Variants in B4GALNT3 observed in about 807,000 individuals in gnomAD.
B4GALNT3 encodes beta-1,4-N-acetylgalactosaminyltransferase 3.
A neutral mutation model predicts 120.2 loss-of-function variants in B4GALNT3; 86 were observed. The ratio of observed to expected loss-of-function variants is 0.72; its 90% CI spans 0.60 to 0.86. The LOEUF (loss-of-function observed/expected upper bound fraction) is 0.86, where lower values mean the gene tolerates loss of function less well. B4GALNT3 is among the 40% of genes least tolerant of loss of function. The probability of loss-of-function intolerance (pLI) is 0.00; values close to 1 mark genes in which losing one functional copy is unlikely to be tolerated. For synonymous variants in B4GALNT3, 518 were observed against 510.4 expected (o/e 1.01, Z -0.20); for missense variants, 1,167 against 1,298.9 (o/e 0.90, Z 1.56).
intron 1 of B4GALNT3, among the ~76,000 whole-genome samples, chr12:504,954 G>A (rs1367747558): frequency 1.3e-5 from 2 of 151,376 alleles, no homozygotes; most frequent in Non-Finnish European, 2.9e-5. Context: ...GCAGTGGCGC[G>A]ATCTCGGCTC....
rs543214724 is a variant in B4GALNT3, at chr12:505,082, C to G, written c.170-30084C>G. Among the ~76,000 whole-genome samples, 61 of 151,978 alleles carry G rather than the reference C, an allele frequency of 4.0e-4. 1 individual carries two copies. Among genetic ancestry groups the G allele is most frequent in the African/African-American group, 1.4e-3 (57 of 41,442 alleles). The stretch of plus-strand genomic sequence containing the variant: ...ATGTTTTCTGTATTTTTAGTAGAGA[C>G]AGGGTTTCACCATATTGGCCAACAT... On this transcript the variant is annotated intron_variant, in intron 1 of 19. Transcript: ENST00000266383.
chr12:557,958 C>T, intron 16 of B4GALNT3, 58 bp from the exon 17 acceptor site: 1 of 1,583,442 alleles, frequency 6.3e-7, no homozygotes, highest in African/African-American at 1.3e-5. Flanking sequence ...TGCCAACTTC[C>T]TCCAGGGGAC....
intron 11 of B4GALNT3, among the ~76,000 whole-genome samples, 195 bp from the exon 12 acceptor site, chr12:551,868 A>G (rs1947087092): frequency 6.6e-6 from 1 of 152,026 alleles, no homozygotes; most frequent in Non-Finnish European, 1.5e-5. Context: ...GATCACTAGC[A>G]TAACAAGGGG....
chr12:535,228 C>T lies in B4GALNT3; in HGVS notation c.232C>T (p.Pro78Ser), dbSNP rs187022621. The change falls in exon 2 of 20, where the codon CCA becomes TCA. Residue 78 changes from proline to serine, a missense_variant. By Grantham distance (74) the Pro-to-Ser change is moderately conservative (BLOSUM62 -1). Transcript: ENST00000266383. ...CAGCAGGAACATTCCAGCTGTGGAT[C>T]CACACCTCCAGTTCTACCATCCCCA... ...LASRNIPAVD[P>S]HLQFYHPQRL... 7.6e-5 allele frequency: 123 copies of T among 1,613,992 alleles called. No homozygotes were observed. The East Asian group carries it at 2.6e-3, about 34-fold the overall frequency.
intron 3 of B4GALNT3, chr12:543,006 C>A: frequency 2.4e-6 from 2 of 841,148 alleles, no homozygotes; most frequent in Non-Finnish European, 1.7e-6. Flanking sequence ...GAGAGCAAGT[C>A]TTTCCTGAAA....
At chr12:464,965 TGA>T (rs1029464608) in intron 1 of B4GALNT3, among the ~76,000 whole-genome samples, 1 of 151,840 alleles carries the variant, frequency 6.6e-6, no homozygotes, top group Non-Finnish European at 1.5e-5. Context: ...AACCCTCCAG[TGA>T]GAGAGGTAAT....
At position 511,445 on chromosome 12, in the gene B4GALNT3, C is replaced by CCTT. The variant is rs1565597892; in HGVS notation, c.170-23719_170-23717dup. ...ACCTTCCACCTTCTTCCACCTTCCA[C>CCTT]CTTCCACCTTCTTCCACCTTCCACC... On this transcript the variant is annotated intron_variant, in intron 1 of 19. Transcript: ENST00000266383. Among the ~76,000 whole-genome samples the CCTT allele has an allele frequency of 4.8e-4, 35 of 73,548 alleles. 2 individuals carry two copies. Among genetic ancestry groups the CCTT allele is most frequent in the East Asian group, 1.9e-3 (4 of 2,068 alleles). 48.3% of individuals were successfully genotyped at this position (73,548 alleles called of 152,430 possible).
rs1555154929 is a variant in B4GALNT3, at chr12:511,482, T to TCCAC, written c.170-23683_170-23682insCACC. Among the ~76,000 whole-genome samples, 312 of 66,092 alleles carry TCCAC rather than the reference T, an allele frequency of 4.7e-3. 2 individuals carry two copies. The highest frequency in any genetic ancestry group is 0.016 in the Admixed American group (82 of 5,034). The allele number at this position is 66,092 out of a possible 152,430, so 43.4% of individuals were successfully genotyped here. A position where few individuals can be genotyped will look rare whatever the true frequency, so the allele number is the denominator to read the frequency against. ...TTCCACCTTCCACCTTCTTCCACCTTCTTCCACCTTCCACCTTCCACCTTC... is the reference window on the plus strand; with the variant it reads ...TTCCACCTTCCACCTTCTTCCACCTTCCACCTTCCACCTTCCACCTTCCACCTTC... On this transcript the variant is annotated intron_variant, in intron 1 of 19. Coordinates refer to ENST00000266383, the MANE Select transcript of B4GALNT3 (RefSeq NM_173593.4).
rs1946012649 is a variant in B4GALNT3 at position 460,707 on chromosome 12, G to A, written c.169+162G>A. 6.6e-6 allele frequency among the ~76,000 whole-genome samples: 1 copy of A among 152,134 alleles called. No individual in the cohort carries two copies. The highest frequency in any genetic ancestry group is 2.1e-4 in the South Asian group (1 of 4,834). On this transcript the variant is annotated intron_variant, in intron 1 of 19. Coordinates refer to ENST00000266383, the MANE Select transcript of B4GALNT3 (RefSeq NM_173593.4). The surrounding 1 kb of genome is among the most constrained non-coding windows in gnomAD (Gnocchi z 8.0). ...CCGCGCGTACTCGGGGAGAGCTGCG[G>A]GCGGGGGAAGCCGCGGGGCCGAGCG...
intron 14 of B4GALNT3, among the ~76,000 whole-genome samples, chr12:554,717 G>A (rs1341847589): frequency 7.8e-5 from 11 of 140,554 alleles, no homozygotes; most frequent in African/African-American, 1.9e-4. Flanking sequence ...GTGAACCCGG[G>A]AGGCGGAGCT....
intron 6 of B4GALNT3, among the ~76,000 whole-genome samples, chr12:545,793 A>G (rs866820057): frequency 0.027 from 600 of 22,544 alleles, no homozygotes; most frequent in African/African-American, 0.038. Flanking sequence ...GGTAAGAGGA[A>G]TGGGGAGGAG....
intron 1 of B4GALNT3, among the ~76,000 whole-genome samples, chr12:482,378 C>T (rs1384196116): frequency 6.6e-6 from 1 of 152,202 alleles, no homozygotes; most frequent in African/African-American, 2.4e-5. Flanking sequence ...GAAGGGAACC[C>T]AGAGAGCATT....
chr12:544,743 T>C (rs2120692879), intron 4 of B4GALNT3, 139 bp from the exon 5 acceptor site: 1 of 796,740 alleles, frequency 1.3e-6, no homozygotes, highest in Middle Eastern at 2.8e-4. Flanking sequence ...GGAACTGAAA[T>C]TGAGCCTGCA....
chr12:510,136 C>T (rs549593256), intron 1 of B4GALNT3, among the ~76,000 whole-genome samples: 1 of 152,228 alleles, frequency 6.6e-6, no homozygotes, highest in East Asian at 1.9e-4. Context: ...GGTTGCCTAA[C>T]CTAGTTAGCT....
chr12:482,999 CT>C (rs1177542880), intron 1 of B4GALNT3, among the ~76,000 whole-genome samples: 1 of 152,142 alleles, frequency 6.6e-6, no homozygotes, highest in Non-Finnish European at 1.5e-5. Flanking sequence ...CCTTAACCCC[CT>C]GGGTTCAAGT....
chr12:506,668 A>G (rs536997609), intron 1 of B4GALNT3, among the ~76,000 whole-genome samples: 8 of 151,892 alleles, frequency 5.3e-5, no homozygotes, highest in South Asian at 2.1e-4. Flanking sequence ...ACAGAGTCTC[A>G]CTCTGTCACC....
Position 561,723 on chromosome 12 carries a change from G to A in B4GALNT3, c.*272G>A. The A allele has an allele frequency of 4.7e-6, 2 of 427,096 alleles. No homozygotes were observed. The highest frequency in any genetic ancestry group is 8.5e-6 in the Non-Finnish European group (2 of 234,640). The allele number at this position is 427,096 out of a possible 1,614,324, so 26.5% of individuals were successfully genotyped here. On this transcript the variant is annotated 3_prime_UTR_variant, in exon 20 of 20. Transcript: ENST00000266383. ...CGAGAACGGGAAGAGCTCCTGAGAA[G>A]GACGGGTCAGGAAGGAGAGATCTGA... is the stretch of plus-strand genomic sequence containing the variant.
At chr12:518,971 G>C (rs942238065) in intron 1 of B4GALNT3, among the ~76,000 whole-genome samples, 2 of 152,168 alleles carry the variant, frequency 1.3e-5, no homozygotes, top group Non-Finnish European at 2.9e-5. Context: ...GTCTGCCCAC[G>C]TGGCTTCTTC....
At chr12:519,806 G>T (rs550811748) in intron 1 of B4GALNT3, among the ~76,000 whole-genome samples, 31 of 152,300 alleles carry the variant, frequency 2.0e-4, no homozygotes, top group African/African-American at 6.5e-4. Context: ...AGCAACTGCA[G>T]TCTCATCAGC....
Sources: allele counts gnomAD v4.1 joint callset (sites outside exome capture counted in the v4.1 genomes callset), GRCh38; gene constraint gnomAD v4.1.1; non-coding constraint Gnocchi (gnomAD v3.1); transcripts MANE v1.5; gene names NCBI Gene and HGNC (gene_info 2026-07-23, HGNC 2026-07-21).